Variants in FILIP1 observed in about 807,000 individuals in gnomAD.
FILIP1 encodes filamin A interacting protein 1, also known as filamin-A-interacting protein 1.
Under a neutral mutation model 102.1 loss-of-function variants are expected in FILIP1, and 61 were observed. The ratio of observed to expected loss-of-function variants is 0.60; its 90% CI spans 0.49 to 0.74. FILIP1 has a LOEUF of 0.74. Among genes scored for constraint, FILIP1 ranks in the 30% least tolerant of loss-of-function variants. FILIP1 has a pLI of 0.00. For missense variants in FILIP1, 1,314 were observed against 1,441.2 expected (o/e 0.91, Z 1.43); for synonymous variants, 491 against 526.9 (o/e 0.93, Z 0.93).
chr6:75,472,713 T>C lies in FILIP1; in HGVS notation c.-7+20701A>G, dbSNP rs1024221455. On this transcript the variant is annotated intron_variant, in intron 1 of 5. Coordinates refer to ENST00000237172, the MANE Select transcript of FILIP1 (RefSeq NM_015687.5). ...TTTTCTATTTCCCCGCTAGTCTACA[T>C]TGGTCTTTAACTATGACATGTACAA... is the stretch of plus-strand genomic sequence containing the variant. Among the ~76,000 whole-genome samples the C allele has an allele frequency of 4.6e-5, 7 of 152,318 alleles. No homozygotes were observed. In the East Asian group the frequency reaches 9.6e-4, roughly 21 times the overall value.
intron 4 of FILIP1, among the ~76,000 whole-genome samples, chr6:75,347,119 GGT>G (rs1774613266): frequency 6.6e-6 from 1 of 152,146 alleles, no homozygotes; most frequent in South Asian, 2.1e-4. Context: ...GAAGAAATAA[GGT>G]GTTCACTTTT....
intron 1 of FILIP1, among the ~76,000 whole-genome samples, chr6:75,451,833 C>CG (rs1490165274): frequency 2.0e-5 from 3 of 151,376 alleles, no homozygotes; most frequent in Admixed American, 2.0e-4. Context: ...GACTCCATCT[C>CG]AAAAAAAATT....
rs370414654 is a variant in FILIP1 at position 75,319,826 on chromosome 6, T to TC, written c.630-4625dup. Reference sequence around the variant, plus strand: ...GCCTGGGCAACAGAGCAAGACTCCGTCCCCCAAAAAAAAAAAGAAAAGAAA... The same window carrying TC: ...GCCTGGGCAACAGAGCAAGACTCCGTCCCCCCAAAAAAAAAAAGAAAAGAAA... On this transcript the variant is annotated intron_variant, in intron 4 of 5. Transcript: ENST00000237172. The TC allele has an allele frequency of 1.6e-3, 387 of 234,822 alleles. 2 individuals are homozygous for TC. Among genetic ancestry groups the TC allele is most frequent in the Non-Finnish European group, 1.2e-3 (166 of 133,268 alleles). The allele number at this position is 234,822 out of a possible 1,614,324, so 14.5% of individuals were successfully genotyped here. A position where few individuals can be genotyped will look rare whatever the true frequency, so the allele number is the denominator to read the frequency against.
intron 4 of FILIP1, among the ~76,000 whole-genome samples, chr6:75,340,507 A>G (rs1317496620): frequency 6.6e-6 from 1 of 152,198 alleles, no homozygotes; most frequent in African/African-American, 2.4e-5. Context: ...TTTAAAATGT[A>G]TTACGTTTTT....
intron 1 of FILIP1, chr6:75,465,567 C>A: frequency 2.1e-6 from 1 of 481,542 alleles, no homozygotes; most frequent in Non-Finnish European, 3.6e-6. Context: ...AGTTTCACAG[C>A]AATTAAAAAA....
At chr6:75,444,516 T>C (rs1778377874) in intron 1 of FILIP1, among the ~76,000 whole-genome samples, 1 of 151,414 alleles carries the variant, frequency 6.6e-6, no homozygotes, top group South Asian at 2.1e-4. Context: ...TTGTGTAAAA[T>C]AACTCATTTA....
chr6:75,420,641 T>C (rs78447605), intron 1 of FILIP1, among the ~76,000 whole-genome samples: 2,390 of 152,264 alleles, frequency 0.016, 34 homozygotes, highest in South Asian at 0.023. Context: ...GTCTGGTATA[T>C]TTTATTTTTA....
chr6:75,446,897 A>G (rs1778459808), intron 1 of FILIP1, among the ~76,000 whole-genome samples: 1 of 152,170 alleles, frequency 6.6e-6, no homozygotes, highest in African/African-American at 2.4e-5. Context: ...AGTTGCTTCT[A>G]AAAACCTGAT....
At chr6:75,311,778 T>C (rs1341806446) in intron 5 of FILIP1, among the ~76,000 whole-genome samples, 1 of 152,238 alleles carries the variant, frequency 6.6e-6, no homozygotes, top group African/African-American at 2.4e-5. Flanking sequence ...ATTACTGGCA[T>C]GAGCCACCGC....
intron 1 of FILIP1, among the ~76,000 whole-genome samples, chr6:75,440,981 A>G (rs1778193439): frequency 6.6e-6 from 1 of 151,508 alleles, no homozygotes; most frequent in Non-Finnish European, 1.5e-5. Flanking sequence ...CGAAGAGTAA[A>G]ACTTCCTTTT....
chr6:75,469,141 C>T (rs962425196), intron 1 of FILIP1, among the ~76,000 whole-genome samples: 6 of 151,412 alleles, frequency 4.0e-5, no homozygotes, highest in Admixed American at 1.3e-4. Context: ...TTTAAAACAA[C>T]GATAGGAATT....
intron 2 of FILIP1, among the ~76,000 whole-genome samples, chr6:75,409,645 G>A (rs1444691354): frequency 6.6e-6 from 1 of 152,182 alleles, no homozygotes; most frequent in African/African-American, 2.4e-5. Context: ...TGTAGGCATA[G>A]TTTCTATAAT....
chr6:75,320,443 G>A (rs1366398415), intron 4 of FILIP1, among the ~76,000 whole-genome samples: 1 of 152,062 alleles, frequency 6.6e-6, no homozygotes, highest in Admixed American at 6.5e-5. Context: ...TGTGTGTGGT[G>A]GCATGTGCCT....
chr6:75,349,539 C>G (rs372462855), intron 4 of FILIP1, among the ~76,000 whole-genome samples: 50 of 152,318 alleles, frequency 3.3e-4, no homozygotes, highest in African/African-American at 1.1e-3. Flanking sequence ...ATTTCCGAAG[C>G]AAAGTTCTTG....
intron 6 of FILIP1, among the ~76,000 whole-genome samples, chr6:75,302,544 A>C (rs1772866348): frequency 6.6e-6 from 1 of 152,330 alleles, no homozygotes; most frequent in African/African-American, 2.4e-5. Context: ...GACTTTGATC[A>C]GAGAAGGACA....
chr6:75,383,285 C>A (rs1434366181), intron 2 of FILIP1, among the ~76,000 whole-genome samples: 1 of 152,102 alleles, frequency 6.6e-6, no homozygotes, highest in Non-Finnish European at 1.5e-5. Context: ...CCTATTTAAT[C>A]TAAAGGATTA....
chr6:75,316,596 G>A (rs1033700151), intron 4 of FILIP1, among the ~76,000 whole-genome samples: 1 of 152,100 alleles, frequency 6.6e-6, no homozygotes, highest in Non-Finnish European at 1.5e-5. Flanking sequence ...AATACAGTGT[G>A]AGATAAGTAT....
At chr6:75,302,970 C>A (rs1192890556) in intron 6 of FILIP1, among the ~76,000 whole-genome samples, 1 of 151,928 alleles carries the variant, frequency 6.6e-6, no homozygotes, top group Non-Finnish European at 1.5e-5. Flanking sequence ...ATCAGAGTAA[C>A]CCAAATGAAA....
intron 1 of FILIP1, among the ~76,000 whole-genome samples, chr6:75,478,895 T>A (rs1465096645): frequency 1.3e-5 from 2 of 152,186 alleles, no homozygotes; most frequent in Non-Finnish European, 2.9e-5. Context: ...TAATGATCCA[T>A]GGCAAAGAGT....
Sources: allele counts gnomAD v4.1 joint callset (sites outside exome capture counted in the v4.1 genomes callset), GRCh38; gene constraint gnomAD v4.1.1; transcripts MANE v1.5; gene names NCBI Gene and HGNC (gene_info 2026-07-23, HGNC 2026-07-21).